SMARCD2: variants seen among roughly 807,000 people sequenced by gnomAD.
SMARCD2 encodes the protein SWI/SNF-related matrix-associated actin-dependent regulator of chromatin subfamily D member 2.
In SMARCD2, 39 loss-of-function variants were observed where a neutral mutation model predicts 70.4. The ratio of observed to expected loss-of-function variants is 0.55; its 90% CI spans 0.43 to 0.72. The LOEUF is 0.72. SMARCD2 is among the 30% of genes least tolerant of loss of function. The pLI is 0.00. For synonymous variants in SMARCD2, 249 were observed against 279.4 expected, an observed-to-expected ratio of 0.89 and a Z score of 1.08; for missense variants, 540 against 713.4, an observed-to-expected ratio of 0.76 and a Z score of 2.77.
In SMARCD2 at chr17:63,837,440, C is replaced by T; in HGVS notation, c.401+1G>A. The T allele has an allele frequency of 1.3e-6, 2 of 1,571,314 alleles. No homozygotes were observed. The highest frequency in any genetic ancestry group is 1.7e-6 in the Non-Finnish European group (2 of 1,156,520). On this transcript the variant is annotated splice_donor_variant, in intron 2 of 12. Coordinates refer to ENST00000448276, the MANE Select transcript of SMARCD2 (RefSeq NM_001098426.2). LOFTEE classifies it high-confidence loss of function. This position sits in a 1 kb window ranked among gnomAD's most constrained non-coding sequence, Gnocchi z 6.4. Reference sequence around the variant, plus strand: ...GAGTGAGAGAAGCAGGATGCTCTTACCCCCGGCGCTGGGCAGGCATGGGAG... The same window carrying T: ...GAGTGAGAGAAGCAGGATGCTCTTATCCCCGGCGCTGGGCAGGCATGGGAG...
At chr17:63,841,838 C>T (rs1904475016) in intron 1 of SMARCD2, among the ~76,000 whole-genome samples, 1 of 152,248 alleles carries the variant, frequency 6.6e-6, no homozygotes, top group African/African-American at 2.4e-5. Context: ...GCCAGGCCAC[C>T]ACCGTCTCTG....
chr17:63,832,793 C>T lies in SMARCD2; in HGVS notation c.*145G>A. 1 of 717,740 alleles carries T rather than the reference C, an allele frequency of 1.4e-6. No homozygotes were observed. Among genetic ancestry groups the T allele is most frequent in the South Asian group, 1.7e-5 (1 of 60,488 alleles). 44.5% of individuals were successfully genotyped at this position (717,740 alleles called of 1,614,324 possible). On this transcript the variant is annotated 3_prime_UTR_variant, in exon 13 of 13. Coordinates refer to ENST00000448276, the MANE Select transcript of SMARCD2 (RefSeq NM_001098426.2). The stretch of plus-strand genomic sequence containing the variant: ...GGGACCAAGCAACAAGGAATCCTAT[C>T]ACTACATTTATAAGACTAAAGCTGG...
At chr17:63,839,216 G>A in intron 1 of SMARCD2, 2 of 985,402 alleles carry the variant, frequency 2.0e-6, no homozygotes, top group Non-Finnish European at 2.4e-6. Context: ...AGACATCCCA[G>A]ACTAGTTTTT....
rs1308539489 is a variant in SMARCD2, at chr17:63,834,884, T to C, written c.724-84A>G. 5 of 997,044 alleles carry C rather than the reference T, an allele frequency of 5.0e-6. No homozygotes were observed. Among genetic ancestry groups the C allele is most frequent in the Admixed American group, 3.6e-5 (2 of 55,312 alleles). 61.8% of individuals were successfully genotyped at this position (997,044 alleles called of 1,614,324 possible). A position where few individuals can be genotyped will look rare whatever the true frequency, so the allele number is the denominator to read the frequency against. ...TAAATCCCAAGAAAGAGAAGCCCCATTTCAGCCCTGGAGCTCCGGATACTG... is the reference window on the plus strand; with the variant it reads ...TAAATCCCAAGAAAGAGAAGCCCCACTTCAGCCCTGGAGCTCCGGATACTG... On this transcript the variant is annotated intron_variant, in intron 5 of 12. Coordinates refer to ENST00000448276, the MANE Select transcript of SMARCD2 (RefSeq NM_001098426.2). This position sits in a 1 kb window ranked among gnomAD's most constrained non-coding sequence, Gnocchi z 5.6.
intron 1 of SMARCD2, among the ~76,000 whole-genome samples, chr17:63,841,378 C>G (rs1904455108): frequency 6.6e-6 from 1 of 152,202 alleles, no homozygotes; most frequent in Non-Finnish European, 1.5e-5. Context: ...AGACATGAGT[C>G]GAAAACAGAG....
chr17:63,836,753 T>G (rs1407120491), intron 4 of SMARCD2, 169 bp downstream of exon 4: 1 of 637,834 alleles, frequency 1.6e-6, no homozygotes, highest in African/African-American at 1.8e-5. Flanking sequence ...ATATATTCAT[T>G]TAAAACATAC....
rs2040214494 is a variant in SMARCD2, at chr17:63,833,072, G to A, written c.1539C>T (p.Ala513=). The A allele has an allele frequency of 1.9e-6, 3 of 1,595,798 alleles. No individual in the cohort carries two copies. The highest frequency in any genetic ancestry group is 2.3e-5 in the South Asian group (2 of 88,026). ...AQEAVGRHIF[A]KVQQRRQELE... is the part of the protein sequence containing the mutation. ...GGAAAACAGGGCAGAGCCTCACCTT[G>A]GCAAAGATGTGCCTGCCTACTGCTT... Residue 513 remains alanine, a synonymous_variant, in exon 12 of 13, where the codon GCC becomes GCT. Transcript: ENST00000448276. The surrounding 1 kb of genome is among the most constrained non-coding windows in gnomAD (Gnocchi z 4.3).
chr17:63,835,613 G>A (rs763901609), intron 4 of SMARCD2, 46 bp from the exon 5 acceptor site: 7 of 1,588,464 alleles, frequency 4.4e-6, no homozygotes, highest in Non-Finnish European at 6.0e-6. Context: ...CCAAGATGCT[G>A]GGACACAGTG....
At chr17:63,839,786 G>A (rs1204036966) in intron 1 of SMARCD2, among the ~76,000 whole-genome samples, 1 of 152,164 alleles carries the variant, frequency 6.6e-6, no homozygotes, top group Admixed American at 6.5e-5. Flanking sequence ...TGGAACCTGG[G>A]CCTGAGGGCC....
At position 63,833,142 on chromosome 17, in the gene SMARCD2, T is replaced by C. The variant is rs763225339; in HGVS notation, c.1469A>G (p.Glu490Gly). ...KIITDVIGNP[E>G]EERRAAFYHQ... is the part of the protein sequence containing the mutation. ...GTAGAAAGCAGCTCGTCTCTCCTCCTCAGGATTTCCAATCACATCAGTGAT... is the reference window on the plus strand; with the variant it reads ...GTAGAAAGCAGCTCGTCTCTCCTCCCCAGGATTTCCAATCACATCAGTGAT... The change falls in exon 12 of 13, where the codon GAG (glutamate) becomes GGG (glycine). Residue 490 changes from glutamate to glycine, a missense_variant. Physicochemically the swap from Glu to Gly is moderately conservative, Grantham distance 98 (BLOSUM62 -2). Coordinates refer to ENST00000448276, the MANE Select transcript of SMARCD2 (RefSeq NM_001098426.2). The surrounding 1 kb of genome is among the most constrained non-coding windows in gnomAD (Gnocchi z 4.3). The C allele has an allele frequency of 9.3e-6, 15 of 1,608,426 alleles. No individual in the cohort carries two copies. Among genetic ancestry groups the C allele is most frequent in the Non-Finnish European group, 1.3e-5 (15 of 1,177,326 alleles).
chr17:63,839,547 C>T (rs887837387), intron 1 of SMARCD2, among the ~76,000 whole-genome samples: 3 of 149,684 alleles, frequency 2.0e-5, no homozygotes, highest in Non-Finnish European at 4.4e-5. Context: ...GGCTTATAGG[C>T]GCTAGCAACT....
rs761051137 is a variant in SMARCD2, at chr17:63,834,608, G to C, written c.820-33C>G. ...GGAGGGAAGCATGGCTTATCACCAA[G>C]GGGGTGGGCGTGAACACAGGGCCTC... On this transcript the variant is annotated intron_variant, in intron 6 of 12. Transcript: ENST00000448276. This position sits in a 1 kb window ranked among gnomAD's most constrained non-coding sequence, Gnocchi z 5.6. The C allele has an allele frequency of 8.2e-6, 13 of 1,577,426 alleles. No individual in the cohort carries two copies. In the East Asian group the frequency reaches 2.7e-4, roughly 33 times the overall value.
chr17:63,834,586 G>A lies in SMARCD2; in HGVS notation c.820-11C>T. The A allele has an allele frequency of 6.3e-7, 1 of 1,595,810 alleles. No individual in the cohort carries two copies. Among genetic ancestry groups the A allele is most frequent in the Non-Finnish European group, 8.6e-7 (1 of 1,166,824 alleles). On this transcript the variant is annotated splice_polypyrimidine_tract_variant and intron_variant, in intron 6 of 12. Transcript: ENST00000448276. The surrounding 1 kb of genome is among the most constrained non-coding windows in gnomAD (Gnocchi z 5.6). ...GGGCATCCGGTGCCACTGGCAGGGAGGGAAGCATGGCTTATCACCAAGGGG... is the reference window on the plus strand; with the variant it reads ...GGGCATCCGGTGCCACTGGCAGGGAAGGAAGCATGGCTTATCACCAAGGGG...
chr17:63,834,587 G>A lies in SMARCD2; in HGVS notation c.820-12C>T. The A allele has an allele frequency of 6.3e-7, 1 of 1,595,438 alleles. No homozygotes were observed. The highest frequency in any genetic ancestry group is 1.1e-5 in the South Asian group (1 of 90,048). ...GGCATCCGGTGCCACTGGCAGGGAG[G>A]GAAGCATGGCTTATCACCAAGGGGG... On this transcript the variant is annotated splice_polypyrimidine_tract_variant and intron_variant, in intron 6 of 12. Transcript: ENST00000448276. This position sits in a 1 kb window ranked among gnomAD's most constrained non-coding sequence, Gnocchi z 5.6.
chr17:63,841,255 GA>G (rs903400310), intron 1 of SMARCD2, among the ~76,000 whole-genome samples: 15 of 151,694 alleles, frequency 9.9e-5, no homozygotes, highest in Middle Eastern at 6.8e-3. Flanking sequence ...GAGTAAGAAG[GA>G]AAAAAAAATC....
chr17:63,833,586 C>T lies in SMARCD2; in HGVS notation c.1317+1G>A. The T allele has an allele frequency of 6.2e-7, 1 of 1,614,006 alleles. No individual in the cohort carries two copies. Among genetic ancestry groups the T allele is most frequent in the Non-Finnish European group, 8.5e-7 (1 of 1,179,892 alleles). ...GGAAGCTGTGGAGCCAGAGGGCCCA[C>T]CTTGACATCAAGGGAGGCGATCTCC... On this transcript the variant is annotated splice_donor_variant, in intron 10 of 12. Transcript: ENST00000448276. LOFTEE classifies it high-confidence loss of function. This position sits in a 1 kb window ranked among gnomAD's most constrained non-coding sequence, Gnocchi z 4.3.
In SMARCD2 at chr17:63,833,921, T is replaced by C; in HGVS notation, c.1169A>G (p.Asn390Ser). 6.2e-7 allele frequency: 1 copy of C among 1,611,684 alleles called. No individual in the cohort carries two copies. Among genetic ancestry groups the C allele is most frequent in the African/African-American group, 1.3e-5 (1 of 75,004 alleles). Reference sequence around the variant, plus strand: ...TCCTTGCATTTACCTAATGACATGGTTGATGACAATGGGGTCTGGATGCTG... The same window carrying C: ...TCCTTGCATTTACCTAATGACATGGCTGATGACAATGGGGTCTGGATGCTG... ...LLQHPDPIVI[N>S]HVISVDPNDQ... The change falls in exon 9 of 13, where the codon AAC (asparagine) becomes AGC (serine). Residue 390 changes from asparagine to serine, a missense_variant. Asn to Ser is a conservative substitution (Grantham distance 46). Coordinates refer to ENST00000448276, the MANE Select transcript of SMARCD2 (RefSeq NM_001098426.2). The surrounding 1 kb of genome is among the most constrained non-coding windows in gnomAD (Gnocchi z 4.3).
chr17:63,835,175 G>A, intron 5 of SMARCD2: 1 of 551,292 alleles, frequency 1.8e-6, no homozygotes, highest in Non-Finnish European at 3.2e-6. Context: ...CCAGGCTGAA[G>A]TGCAGTGGTG....
intron 5 of SMARCD2, 97 bp downstream of exon 5, chr17:63,835,315 G>T (rs1420795003): frequency 3.9e-6 from 5 of 1,297,998 alleles, no homozygotes; most frequent in Non-Finnish European, 5.3e-6. Flanking sequence ...TAGAGATGGG[G>T]TCTGGCTCTG....
Sources: gnomAD v4.1 joint callset for allele counts (sites outside exome capture counted in the v4.1 genomes callset) on GRCh38, gnomAD v4.1.1 for gene constraint, Gnocchi (gnomAD v3.1) non-coding constraint, MANE v1.5 for transcripts, NCBI Gene and HGNC (gene_info 2026-07-23, HGNC 2026-07-21) for gene names.